NRCAM: variants seen among roughly 807,000 people sequenced by gnomAD.
NRCAM encodes NgCAM-related cell adhesion molecule.
NRCAM carries 83 observed loss-of-function variants against 156.5 expected under a neutral mutation model. The ratio of observed to expected loss-of-function variants is 0.53; its 90% CI spans 0.44 to 0.64. The LOEUF (loss-of-function observed/expected upper bound fraction) is 0.64. Ranked by LOEUF, NRCAM falls within the 30% of genes least tolerant of loss-of-function variation. The probability of loss-of-function intolerance (pLI) is 0.00; values close to 1 mark genes in which losing one functional copy is unlikely to be tolerated. For synonymous variants in NRCAM, 538 were observed against 563.9 expected (o/e 0.95, Z 0.65); for missense variants, 1,417 against 1,597.3 (o/e 0.89, Z 1.92).
intron 1 of NRCAM, among the ~76,000 whole-genome samples, chr7:108,451,970 T>C (rs1411337892): frequency 1.3e-5 from 2 of 152,192 alleles, no homozygotes; most frequent in African/African-American, 2.4e-5. Context: ...TATTTTACAA[T>C]AAAAAACTTA....
intron 1 of NRCAM, among the ~76,000 whole-genome samples, chr7:108,424,445 AATC>A (rs1407513754): frequency 6.6e-6 from 1 of 152,230 alleles, no homozygotes; most frequent in Non-Finnish European, 1.5e-5. Context: ...TGCATCAACT[AATC>A]ATTTGAATAA....
At chr7:108,194,508 C>G in intron 15 of NRCAM, 80 bp from the exon 16 acceptor site, 1 of 911,912 alleles carries the variant, frequency 1.1e-6, no homozygotes, top group Non-Finnish European at 1.6e-6. Context: ...TGTTCAAGGT[C>G]AACATGACCA....
intron 20 of NRCAM, among the ~76,000 whole-genome samples, chr7:108,184,909 T>A (rs962330486): frequency 1.3e-5 from 2 of 152,104 alleles, no homozygotes; most frequent in Admixed American, 6.5e-5. Context: ...TTTAGGGATA[T>A]ATGGATTAAT....
chr7:108,391,727 C>T (rs1298000257), intron 2 of NRCAM, among the ~76,000 whole-genome samples: 1 of 152,142 alleles, frequency 6.6e-6, no homozygotes, highest in Non-Finnish European at 1.5e-5. Context: ...TATTCCTTTC[C>T]ATGTTTAGTG....
chr7:108,325,084 A>C (rs1356081637), intron 2 of NRCAM, among the ~76,000 whole-genome samples: 1 of 152,052 alleles, frequency 6.6e-6, no homozygotes, highest in Non-Finnish European at 1.5e-5. Flanking sequence ...CTACTACTCA[A>C]AGGGAAGATT....
chr7:108,159,552 C>A lies in NRCAM; in HGVS notation c.3599-11G>T, dbSNP rs983681149. The A allele has an allele frequency of 1.2e-6, 2 of 1,605,246 alleles. No homozygotes were observed. The highest frequency in any genetic ancestry group is 8.5e-7 in the Non-Finnish European group (1 of 1,172,406). On this transcript the variant is annotated splice_polypyrimidine_tract_variant and intron_variant, in intron 31 of 32. Transcript: ENST00000379028. Reference sequence around the variant, plus strand: ...CTTCCTTTTCTTTAACTAAAAAATGCCAAAATGGTATTATTATCTGTTGAT... The same window carrying A: ...CTTCCTTTTCTTTAACTAAAAAATGACAAAATGGTATTATTATCTGTTGAT...
At chr7:108,386,870 A>C (rs907353495) in intron 2 of NRCAM, among the ~76,000 whole-genome samples, 8 of 152,178 alleles carry the variant, frequency 5.3e-5, no homozygotes, top group African/African-American at 1.9e-4. Flanking sequence ...CAGAGTTCTT[A>C]AATACTCTAG....
At chr7:108,451,402 C>T (rs977650476) in intron 1 of NRCAM, among the ~76,000 whole-genome samples, 4 of 144,092 alleles carry the variant, frequency 2.8e-5, no homozygotes, top group African/African-American at 1.0e-4. Flanking sequence ...AAGAGTATAA[C>T]GATGTCTCAA....
At chr7:108,193,941 T>A (rs1258876864) in intron 17 of NRCAM, 83 bp downstream of exon 17, 1 of 1,376,844 alleles carries the variant, frequency 7.3e-7, no homozygotes, top group African/African-American at 1.4e-5. Flanking sequence ...AACATCACCA[T>A]AATTGACTAC....
At chr7:108,340,424 G>C (rs1489245903) in intron 2 of NRCAM, among the ~76,000 whole-genome samples, 1 of 152,188 alleles carries the variant, frequency 6.6e-6, no homozygotes, top group Non-Finnish European at 1.5e-5. Context: ...CTGACATGGA[G>C]AGATGTAATG....
intron 1 of NRCAM, among the ~76,000 whole-genome samples, chr7:108,417,454 G>A (rs1803029233): frequency 6.6e-6 from 1 of 152,126 alleles, no homozygotes; most frequent in African/African-American, 2.4e-5. Context: ...TACCTATAAG[G>A]GTGGAGCCCT....
chr7:108,302,624 C>T (rs1413214315), intron 3 of NRCAM, among the ~76,000 whole-genome samples: 1 of 152,190 alleles, frequency 6.6e-6, no homozygotes, highest in Non-Finnish European at 1.5e-5. Context: ...AAGGGGCAAC[C>T]TGCTTGACTC....
At chr7:108,330,532 G>A (rs1425292421) in intron 2 of NRCAM, among the ~76,000 whole-genome samples, 1 of 152,190 alleles carries the variant, frequency 6.6e-6, no homozygotes, top group Non-Finnish European at 1.5e-5. Context: ...CTTTGCGGCA[G>A]TAGTTACTCA....
intron 3 of NRCAM, among the ~76,000 whole-genome samples, chr7:108,268,637 G>GGGGGTA: frequency 2.1e-5 from 1 of 48,622 alleles, no homozygotes; most frequent in Middle Eastern, 0.01. Context: ...GGGGGGGGTT[G>GGGGGTA]GGGGGGGCGG....
At chr7:108,403,072 T>G (rs918213322) in intron 1 of NRCAM, among the ~76,000 whole-genome samples, 3 of 152,314 alleles carry the variant, frequency 2.0e-5, no homozygotes, top group Middle Eastern at 3.4e-3. Context: ...CTTGAGTGAG[T>G]TGCTGTTTTC....
intron 2 of NRCAM, among the ~76,000 whole-genome samples, chr7:108,383,165 T>C (rs569914056): frequency 8.6e-6 from 1 of 116,772 alleles, no homozygotes; most frequent in Admixed American, 8.7e-5. Flanking sequence ...CCCCTTGGTG[T>C]TGCCTAGGCA....
At position 108,226,279 on chromosome 7, in the gene NRCAM, A is replaced by T; in HGVS notation, c.650T>A (p.Ile217Asn). 6.2e-7 allele frequency: 1 copy of T among 1,610,356 alleles called. No homozygotes were observed. The highest frequency in any genetic ancestry group is 8.5e-7 in the Non-Finnish European group (1 of 1,177,236). ...VLPEDTREDY[I>N]CYARFNHTQT... Reference sequence around the variant, plus strand: ...AGTATGATTAAATCTAGCATAACAGATATAGTCTTCGCGGGTGTCCTCTGG... The same window carrying T: ...AGTATGATTAAATCTAGCATAACAGTTATAGTCTTCGCGGGTGTCCTCTGG... The change falls in exon 9 of 33, where the codon ATC becomes AAC. Residue 217 changes from isoleucine to asparagine, a missense_variant. Physicochemically the swap from Ile to Asn is moderately radical, Grantham distance 149 (BLOSUM62 -3). Transcript: ENST00000379028.
chr7:108,424,553 T>G (rs939494291), intron 1 of NRCAM, among the ~76,000 whole-genome samples: 2 of 152,192 alleles, frequency 1.3e-5, no homozygotes, highest in African/African-American at 4.8e-5. Flanking sequence ...TTTTCAGACT[T>G]CGTAGTTTTT....
chr7:108,397,092 A>G (rs1043381270), intron 2 of NRCAM, among the ~76,000 whole-genome samples: 2 of 152,192 alleles, frequency 1.3e-5, no homozygotes, highest in Non-Finnish European at 1.5e-5. Context: ...ACAGCTCAAT[A>G]AAGATTTAGA....
Sources: allele counts gnomAD v4.1 joint callset (sites outside exome capture counted in the v4.1 genomes callset), GRCh38; gene constraint gnomAD v4.1.1; transcripts MANE v1.5; gene names NCBI Gene and HGNC (gene_info 2026-07-23, HGNC 2026-07-21).